Variants in JADE1 observed in about 807,000 individuals in gnomAD.
JADE1 encodes jade family PHD finger 1, also known as protein Jade-1.
In JADE1, 14 loss-of-function variants were observed where a neutral mutation model predicts 81.8. The observed-to-expected ratio is 0.17, with a 90% CI of 0.11 to 0.27. The LOEUF (loss-of-function observed/expected upper bound fraction) is 0.27, where lower values mean the gene tolerates loss of function less well. JADE1 is among the 10% of genes least tolerant of loss of function. JADE1 has a pLI of 1.00. For synonymous variants in JADE1, 353 were observed against 391.9 expected (o/e 0.90, Z 1.17); for missense variants, 690 against 1,047.9 (o/e 0.66, Z 4.71).
chr4:128,861,900 C>T lies in JADE1; in HGVS notation c.1178C>T (p.Pro393Leu), dbSNP rs747843487. Residue 393 changes from proline to leucine, a missense_variant, in exon 9 of 11, where the codon CCC (proline) becomes CTC (leucine). Pro to Leu is a moderately conservative substitution (Grantham distance 98). This residue lies in a region of JADE1 where 77 missense variants were observed against 76.4 expected (regional missense o/e 1.01). Coordinates refer to ENST00000226319, the MANE Select transcript of JADE1 (RefSeq NM_199320.4). ...AQENGAPECS[P>L]RNPLEPFASL... The stretch of plus-strand genomic sequence containing the variant: ...GAGAATGGGGCCCCTGAGTGTTCCC[C>T]CCGGAATCCGCTGGAGCCCTTTGCC... 1.2e-6 allele frequency: 2 copies of T among 1,614,108 alleles called. No homozygotes were observed. The highest frequency in any genetic ancestry group is 1.7e-6 in the Non-Finnish European group (2 of 1,179,958).
At chr4:128,831,922 T>A (rs561174763) in intron 2 of JADE1, 112 bp downstream of exon 2, 1 of 968,190 alleles carries the variant, frequency 1.0e-6, no homozygotes, top group East Asian at 2.4e-5. Context: ...GTCAGGCAGG[T>A]CAGAGAAAGC....
rs144697908 is a variant in JADE1 at position 128,850,961 on chromosome 4, C to T, written c.485-1096C>T. On this transcript the variant is annotated intron_variant, in intron 5 of 10. Transcript: ENST00000226319. ...TTCTTTCTTTTTTGAGATGAAGTCT[C>T]GCTCTGTGGCCCATGCTGGAGTGCA... 4.0e-4 allele frequency among the ~76,000 whole-genome samples: 61 copies of T among 152,204 alleles called. 1 individual carries two copies. The highest frequency in any genetic ancestry group is 1.3e-3 in the African/African-American group (55 of 41,514).
chr4:128,861,622 A>C (rs1731337644), intron 8 of JADE1, 82 bp from the exon 9 acceptor site: 1 of 1,472,478 alleles, frequency 6.8e-7, no homozygotes, highest in Non-Finnish European at 9.3e-7. Flanking sequence ...GCATGTGTAC[A>C]TGGGGTGCCT....
At position 128,818,368 on chromosome 4, in the gene JADE1, G is replaced by A. The variant is rs7657838; in HGVS notation, c.-27+8491G>A. Reference sequence around the variant, plus strand: ...ACTCTTGACCTCAGGTGATGCACCCGCCTCAGCCTCCCCAAGTGGTGGGAT... The same window carrying A: ...ACTCTTGACCTCAGGTGATGCACCCACCTCAGCCTCCCCAAGTGGTGGGAT... On this transcript the variant is annotated intron_variant, in intron 1 of 10. Coordinates refer to ENST00000226319, the MANE Select transcript of JADE1 (RefSeq NM_199320.4). 8.5e-5 allele frequency among the ~76,000 whole-genome samples: 13 copies of A among 152,218 alleles called. No homozygotes were observed. In the South Asian group the frequency reaches 1.5e-3, roughly 17 times the overall value.
At chr4:128,840,144 A>C (rs1006303192) in intron 2 of JADE1, among the ~76,000 whole-genome samples, 2 of 152,208 alleles carry the variant, frequency 1.3e-5, no homozygotes, top group African/African-American at 4.8e-5. Context: ...TTATGAAAGC[A>C]GTCCTAGGAA....
chr4:128,867,948 G>A lies in JADE1; in HGVS notation c.1596G>A (p.Lys532=). 6.2e-7 allele frequency: 1 copy of A among 1,612,346 alleles called. No homozygotes were observed. Among genetic ancestry groups the A allele is most frequent in the Non-Finnish European group, 8.5e-7 (1 of 1,178,440 alleles). ...VQEQIFNLYT[K]LLEQERVSGV... ...AACAGATATTCAATCTTTACACTAAGCTTTTGGAGCAAGAAAGAGTTTCAG... is the reference window on the plus strand; with the variant it reads ...AACAGATATTCAATCTTTACACTAAACTTTTGGAGCAAGAAAGAGTTTCAG... The change falls in exon 10 of 11, where the codon AAG becomes AAA. Residue 532 remains lysine, a synonymous_variant. Coordinates refer to ENST00000226319, the MANE Select transcript of JADE1 (RefSeq NM_199320.4).
chr4:128,855,156 C>T (rs1453059023), intron 6 of JADE1, among the ~76,000 whole-genome samples: 1 of 152,094 alleles, frequency 6.6e-6, no homozygotes, highest in Non-Finnish European at 1.5e-5. Flanking sequence ...CTCTCAGCTG[C>T]TGTATGCTTT....
intron 3 of JADE1, among the ~76,000 whole-genome samples, chr4:128,843,583 T>C (rs28430630): frequency 0.02 from 3,083 of 152,344 alleles, 128 homozygotes; most frequent in African/African-American, 0.07. Flanking sequence ...TATCTAAAGT[T>C]GCTTTTAGGT....
At chr4:128,812,483 C>T (rs940546624) in intron 1 of JADE1, among the ~76,000 whole-genome samples, 1 of 152,060 alleles carries the variant, frequency 6.6e-6, no homozygotes, top group Non-Finnish European at 1.5e-5. Flanking sequence ...TCTCACGTCC[C>T]CTCTCACTCC....
At chr4:128,857,244 G>A in intron 7 of JADE1, 94 bp from the exon 8 acceptor site, 1 of 945,278 alleles carries the variant, frequency 1.1e-6, no homozygotes, top group Non-Finnish European at 1.7e-6. Flanking sequence ...TGGTAGGAGA[G>A]ATGTAGGAAA....
rs1732176930 is a variant in JADE1 at position 128,871,335 on chromosome 4, T to G, written c.1622-20T>G. On this transcript the variant is annotated intron_variant, in intron 10 of 10. Transcript: ENST00000226319. This position sits in a 1 kb window ranked among gnomAD's most constrained non-coding sequence, Gnocchi z 4.1. Reference sequence around the variant, plus strand: ...TGCTTCTGCTGTAATTTTTCTTTATTTGTGGTTTTATGTTTATAGGTGTGC... The same window carrying G: ...TGCTTCTGCTGTAATTTTTCTTTATGTGTGGTTTTATGTTTATAGGTGTGC... 6.3e-7 allele frequency: 1 copy of G among 1,586,378 alleles called. No individual in the cohort carries two copies. Among genetic ancestry groups the G allele is most frequent in the African/African-American group, 1.4e-5 (1 of 73,340 alleles).
intron 4 of JADE1, among the ~76,000 whole-genome samples, chr4:128,848,330 C>T (rs1444446868): frequency 2.0e-5 from 3 of 152,134 alleles, no homozygotes; most frequent in African/African-American, 7.2e-5. Flanking sequence ...AGGCGTGTGC[C>T]ATCATACCTG....
chr4:128,849,028 C>T lies in JADE1; in HGVS notation c.345C>T (p.Tyr115=), dbSNP rs1730115917. 1 of 1,614,024 alleles carries T rather than the reference C, an allele frequency of 6.2e-7. No homozygotes were observed. The highest frequency in any genetic ancestry group is 8.5e-7 in the Non-Finnish European group (1 of 1,179,992). ...TCATGTTCATCAGGCCCAAGAAGTACATCGTGTCATCAGGCTCTGAGCCTC... is the reference window on the plus strand; with the variant it reads ...TCATGTTCATCAGGCCCAAGAAGTATATCGTGTCATCAGGCTCTGAGCCTC... The part of the protein sequence containing the change: ...KSLMFIRPKK[Y]IVSSGSEPPE... The change falls in exon 5 of 11, where the codon TAC becomes TAT. Residue 115 remains tyrosine (Y), a synonymous_variant. Transcript: ENST00000226319.
rs1314074876 is a variant in JADE1, at chr4:128,872,811, T to A, written c.*549T>A. 5 of 419,828 alleles carry A rather than the reference T, an allele frequency of 1.2e-5. No homozygotes were observed. The highest frequency in any genetic ancestry group is 2.4e-5 in the Non-Finnish European group (5 of 205,436). The allele number at this position is 419,828 out of a possible 1,614,324, so 26.0% of individuals were successfully genotyped here. ...CTTCAGTAACACTAAGAAATTTATG[T>A]GTAAATATAGCAGTCAGGGAAGAGA... On this transcript the variant is annotated 3_prime_UTR_variant, in exon 11 of 11. Transcript: ENST00000226319.
Position 128,855,539 on chromosome 4 carries a change from C to CA in JADE1, c.697-91_697-90insA, listed in dbSNP as rs1730721157. 4.6e-6 allele frequency: 6 copies of CA among 1,299,450 alleles called. No individual in the cohort carries two copies. In the South Asian group the frequency reaches 8.4e-5, roughly 18 times the overall value. The allele number at this position is 1,299,450 out of a possible 1,614,324, so 80.5% of individuals were successfully genotyped here. ...GCTTTGGTGGTAGTTCTGTTAAAAT[C>CA]TTTCTAAGTGTTTAAAATGAATAGA... On this transcript the variant is annotated intron_variant, in intron 6 of 10. Coordinates refer to ENST00000226319, the MANE Select transcript of JADE1 (RefSeq NM_199320.4).
At chr4:128,847,935 A>G (rs1405139048) in intron 4 of JADE1, among the ~76,000 whole-genome samples, 1 of 152,148 alleles carries the variant, frequency 6.6e-6, no homozygotes, top group East Asian at 1.9e-4. Context: ...GATTAGGAAG[A>G]TGGCCTTTTT....
intron 2 of JADE1, among the ~76,000 whole-genome samples, chr4:128,832,321 A>C (rs1325744744): frequency 6.6e-6 from 1 of 152,236 alleles, no homozygotes; most frequent in Non-Finnish European, 1.5e-5. Context: ...CTCTCTGGCA[A>C]CTTCATATTT....
intron 1 of JADE1, among the ~76,000 whole-genome samples, chr4:128,830,237 A>ATG (rs969125109): frequency 4.8e-5 from 7 of 145,162 alleles, no homozygotes; most frequent in Admixed American, 1.4e-4. Flanking sequence ...TGTTGTGTGT[A>ATG]TGTGTGTGTG....
At chr4:128,811,762 C>G (rs1318263471) in intron 1 of JADE1, 5 of 149,618 alleles carry the variant, frequency 3.3e-5, no homozygotes, top group Non-Finnish European at 7.4e-5. Flanking sequence ...GGTCCCCGCG[C>G]CGGTTCCGGC....
Sources: allele counts gnomAD v4.1 joint callset (sites outside exome capture counted in the v4.1 genomes callset), GRCh38; gene constraint gnomAD v4.1.1; regional missense constraint gnomAD v4.1.1; non-coding constraint Gnocchi (gnomAD v3.1); transcripts MANE v1.5; gene names NCBI Gene and HGNC (gene_info 2026-07-23, HGNC 2026-07-21).